The following PRKCB variants were observed in gnomAD, a reference collection of about 807,000 sequenced individuals.
PRKCB encodes the protein protein kinase C beta.
In PRKCB, 13 loss-of-function variants were observed where a neutral mutation model predicts 81.5. That is an observed-to-expected ratio of 0.16 (90% CI 0.10 to 0.25). The LOEUF is 0.25. Ranked by LOEUF, PRKCB falls within the 10% of genes least tolerant of loss-of-function variation. PRKCB has a pLI of 1.00. For missense variants in PRKCB, 509 were observed against 875.7 expected (o/e 0.58, Z 5.29); for synonymous variants, 335 against 321.4 (o/e 1.04, Z -0.45).
chr16:24,193,907 G>A (rs889915057), intron 16 of PRKCB, among the ~76,000 whole-genome samples: 1 of 152,194 alleles, frequency 6.6e-6, no homozygotes, highest in Non-Finnish European at 1.5e-5. Context: ...GCTAGAACTC[G>A]GTGCTGTGGG....
chr16:24,018,611 A>T (rs1367777169), intron 3 of PRKCB, among the ~76,000 whole-genome samples: 1 of 152,246 alleles, frequency 6.6e-6, no homozygotes, highest in African/African-American at 2.4e-5. Flanking sequence ...AACCCAGGAA[A>T]TGGTATTTTA....
intron 3 of PRKCB, among the ~76,000 whole-genome samples, chr16:24,005,591 A>G (rs1965105694): frequency 1.3e-5 from 2 of 152,240 alleles, no homozygotes; most frequent in Non-Finnish European, 2.9e-5. Flanking sequence ...GCTGGGAGTC[A>G]GCTCAGTTCC....
intron 9 of PRKCB, among the ~76,000 whole-genome samples, chr16:24,135,469 C>T (rs755181263): frequency 3.9e-5 from 6 of 151,910 alleles, no homozygotes; most frequent in East Asian, 3.9e-4. Flanking sequence ...CCTGCCACCA[C>T]GCCCAAGTAA....
intron 5 of PRKCB, among the ~76,000 whole-genome samples, chr16:24,081,477 A>G (rs1442146874): frequency 6.6e-6 from 1 of 152,208 alleles, no homozygotes; most frequent in Non-Finnish European, 1.5e-5. Flanking sequence ...GAAAAACTGC[A>G]TGCTTTCTCA....
intron 2 of PRKCB, among the ~76,000 whole-genome samples, chr16:23,877,993 C>G (rs989561924): frequency 1.3e-5 from 2 of 152,132 alleles, no homozygotes; most frequent in Non-Finnish European, 2.9e-5. Flanking sequence ...ACCACCACTC[C>G]TGGCTAATTT....
At chr16:24,123,724 G>T in intron 8 of PRKCB, 111 bp from the exon 9 acceptor site, 1 of 1,142,738 alleles carries the variant, frequency 8.8e-7, no homozygotes. Flanking sequence ...CTTTTCATGG[G>T]GACAGGGTGC....
intron 2 of PRKCB, among the ~76,000 whole-genome samples, chr16:23,868,925 A>G (rs1962855751): frequency 6.6e-6 from 1 of 152,232 alleles, no homozygotes; most frequent in Non-Finnish European, 1.5e-5. Context: ...GAATCTCAGA[A>G]AATAAGAAAG....
chr16:23,894,186 A>T (rs1963336770), intron 2 of PRKCB, among the ~76,000 whole-genome samples: 1 of 152,214 alleles, frequency 6.6e-6, no homozygotes, highest in Admixed American at 6.5e-5. Context: ...ACCCTGATGC[A>T]CAAACTTTTT....
intron 2 of PRKCB, among the ~76,000 whole-genome samples, chr16:23,956,043 G>A (rs750496915): frequency 1.3e-5 from 2 of 152,000 alleles, no homozygotes; most frequent in Non-Finnish European, 2.9e-5. Context: ...CAATATTTAG[G>A]TGTATTATCC....
chr16:24,181,006 G>T, intron 13 of PRKCB, 78 bp downstream of exon 13: 4 of 1,555,728 alleles, frequency 2.6e-6, no homozygotes, highest in Non-Finnish European at 3.5e-6. Flanking sequence ...GAGCTGGGAA[G>T]GGTTGAGGGT....
intron 2 of PRKCB, among the ~76,000 whole-genome samples, chr16:23,897,111 A>G (rs1157125729): frequency 6.6e-6 from 1 of 152,220 alleles, no homozygotes; most frequent in Non-Finnish European, 1.5e-5. Context: ...CCTCCTGGAG[A>G]GTAGAGCCTA....
At position 24,215,055 on chromosome 16, in the gene PRKCB, C is replaced by G; in HGVS notation, c.*239C>G. ...ATAATTAACACATTATCAAAGTCCT[C>G]TTACAATTTATTTTCCGCAGCATGT... is the stretch of plus-strand genomic sequence containing the variant. On this transcript the variant is annotated 3_prime_UTR_variant, in exon 17 of 17. Transcript: ENST00000643927. 2 of 1,270,106 alleles carry G rather than the reference C, an allele frequency of 1.6e-6. No homozygotes were observed. Among genetic ancestry groups the G allele is most frequent in the Non-Finnish European group, 2.0e-6 (2 of 1,003,164 alleles). 78.7% of individuals were successfully genotyped at this position (1,270,106 alleles called of 1,614,324 possible). A position where few individuals can be genotyped will look rare whatever the true frequency, so the allele number is the denominator to read the frequency against.
intron 3 of PRKCB, among the ~76,000 whole-genome samples, chr16:24,021,577 A>G (rs7197628): frequency 0.58 from 87,021 of 150,858 alleles, 25,486 homozygotes; most frequent in South Asian, 0.78. Flanking sequence ...GTTATTGTCT[A>G]TAACCCCCGT....
chr16:23,929,998 T>C (rs1160935836), intron 2 of PRKCB, among the ~76,000 whole-genome samples: 4 of 152,076 alleles, frequency 2.6e-5, no homozygotes, highest in African/African-American at 9.7e-5. Flanking sequence ...AAGACATCTC[T>C]CTACCATCTG....
At chr16:24,202,138 T>C (rs948002904) in intron 16 of PRKCB, among the ~76,000 whole-genome samples, 5 of 152,214 alleles carry the variant, frequency 3.3e-5, no homozygotes, top group African/African-American at 1.2e-4. Context: ...TTTCTGACTC[T>C]ATCCTGGCCT....
At chr16:24,175,971 CAAAAA>C (rs34578906) in intron 12 of PRKCB, among the ~76,000 whole-genome samples, 4 of 49,850 alleles carry the variant, frequency 8.0e-5, no homozygotes, top group Non-Finnish European at 1.6e-4. Flanking sequence ...GACCCTGTCT[CAAAAA>C]AAAAAAAAAA....
At chr16:24,086,706 G>C (rs765880313) in intron 5 of PRKCB, among the ~76,000 whole-genome samples, 44 of 152,182 alleles carry the variant, frequency 2.9e-4, no homozygotes, top group South Asian at 8.3e-4. Flanking sequence ...TTTAAAATGT[G>C]ATGGATAAAG....
intron 2 of PRKCB, among the ~76,000 whole-genome samples, chr16:23,916,953 G>A (rs1044870243): frequency 5.3e-5 from 8 of 150,808 alleles, no homozygotes; most frequent in African/African-American, 2.0e-4. Context: ...TTTCATTGTT[G>A]TTGGTAGAGA....
chr16:23,875,216 T>G (rs1962974825), intron 2 of PRKCB, among the ~76,000 whole-genome samples: 1 of 151,980 alleles, frequency 6.6e-6, no homozygotes, highest in South Asian at 2.1e-4. Context: ...TTTTTTGAAT[T>G]TTAGTAGAGA....
Sources: allele counts gnomAD v4.1 joint callset (sites outside exome capture counted in the v4.1 genomes callset), GRCh38; gene constraint gnomAD v4.1.1; transcripts MANE v1.5; gene names NCBI Gene and HGNC (gene_info 2026-07-23, HGNC 2026-07-21).